The following NLGN4X variants were observed in gnomAD, a reference collection of about 807,000 sequenced individuals.
NLGN4X encodes neuroligin-4, X-linked.
NLGN4X carries 3 observed loss-of-function variants against 40.3 expected under a neutral mutation model. The observed-to-expected ratio is 0.07, with a 90% CI of 0.03 to 0.19. The LOEUF is 0.19. Ranked by LOEUF, NLGN4X falls within the 10% of genes least tolerant of loss-of-function variation. The pLI, the probability that NLGN4X is intolerant of heterozygous loss-of-function variation, is 1.00. For synonymous variants in NLGN4X, 270 were observed against 306.8 expected (o/e 0.88, Z 1.25); for missense variants, 382 against 708.3 (o/e 0.54, Z 5.23).
At chrX:5,907,165 C>T (rs891587246) in intron 4 of NLGN4X, among the ~76,000 whole-genome samples, 2 of 111,522 alleles carry the variant, frequency 1.8e-5, no homozygotes, top group Non-Finnish European at 3.8e-5. Flanking sequence ...CAACACAGAA[C>T]AAATTACAAA....
intron 1 of NLGN4X, among the ~76,000 whole-genome samples, chrX:6,193,368 C>T (rs1481646431): frequency 3.9e-5 from 4 of 101,370 alleles, no homozygotes; most frequent in Non-Finnish European, 7.9e-5. Context: ...GAGATCGCGC[C>T]ACAGCACTCC....
intron 2 of NLGN4X, among the ~76,000 whole-genome samples, chrX:6,068,597 G>A (rs1474148599): frequency 9.0e-6 from 1 of 111,708 alleles, no homozygotes; most frequent in African/African-American, 3.3e-5. Context: ...AAAATTAAAC[G>A]ATGAATCAAC....
At chrX:6,005,222 T>C (rs2036073694) in intron 3 of NLGN4X, among the ~76,000 whole-genome samples, 1 of 112,296 alleles carries the variant, frequency 8.9e-6, no homozygotes, top group African/African-American at 3.2e-5. Context: ...GGGATTCTCT[T>C]ACTGGCATGA....
At chrX:5,941,077 A>C (rs1417369240) in intron 3 of NLGN4X, among the ~76,000 whole-genome samples, 1 of 106,534 alleles carries the variant, frequency 9.4e-6, no homozygotes, top group Admixed American at 1.0e-4. Context: ...GCAGTGAGCT[A>C]TGAGGGCACC....
At chrX:5,988,274 G>T (rs2035584402) in intron 3 of NLGN4X, among the ~76,000 whole-genome samples, 3 of 111,766 alleles carry the variant, frequency 2.7e-5, no homozygotes, top group South Asian at 3.8e-4. Context: ...CTATAGCATT[G>T]TCTGAGGCTT....
chrX:6,196,701 C>A (rs944013975), intron 1 of NLGN4X, among the ~76,000 whole-genome samples: 7 of 110,484 alleles, frequency 6.3e-5, no homozygotes, highest in African/African-American at 2.3e-4. Flanking sequence ...AGGAATGTTT[C>A]CATGCATCCT....
At chrX:6,009,968 C>T (rs1323196233) in intron 3 of NLGN4X, among the ~76,000 whole-genome samples, 1 of 111,955 alleles carries the variant, frequency 8.9e-6, no homozygotes, top group Non-Finnish European at 1.9e-5. Flanking sequence ...GGTTCTATGG[C>T]GATTTGAATT....
intron 2 of NLGN4X, among the ~76,000 whole-genome samples, chrX:6,061,108 T>C (rs1353482938): frequency 8.1e-5 from 9 of 111,733 alleles, no homozygotes; most frequent in Non-Finnish European, 1.1e-4. Flanking sequence ...ATAATGTGGT[T>C]CTGCCCATTT....
At chrX:6,062,318 T>C (rs1162760767) in intron 2 of NLGN4X, among the ~76,000 whole-genome samples, 2 of 111,638 alleles carry the variant, frequency 1.8e-5, no homozygotes, top group Admixed American at 1.9e-4. Flanking sequence ...ACCTCCCAGC[T>C]GTAGGTTCTT....
At chrX:6,195,398 G>A (rs1223323451) in intron 1 of NLGN4X, among the ~76,000 whole-genome samples, 1 of 112,020 alleles carries the variant, frequency 8.9e-6, no homozygotes, top group African/African-American at 3.2e-5. Flanking sequence ...GGTGGGGATT[G>A]AGACCATCAT....
At chrX:5,897,527 C>T (rs1322421132) in intron 5 of NLGN4X, among the ~76,000 whole-genome samples, 3 of 112,085 alleles carry the variant, frequency 2.7e-5, no homozygotes, top group African/African-American at 6.5e-5. Context: ...TGGGCTCACA[C>T]GGTTCTCTTC....
chrX:6,151,285 G>A lies in NLGN4X; in HGVS notation c.182C>T (p.Pro61Leu), dbSNP rs893381534. The A allele has an allele frequency of 7.4e-6, 9 of 1,211,722 alleles. No homozygotes were observed. The highest frequency in any genetic ancestry group is 1.0e-5 in the Non-Finnish European group (9 of 895,502). The change falls in exon 2 of 6, where the codon CCG becomes CTG. Residue 61 changes from proline to leucine, a missense_variant. Pro to Leu is a moderately conservative substitution (Grantham distance 98, BLOSUM62 -3). Transcript: ENST00000381095. ...NYGKIRGLRT[P>L]LPNEILGPVE... ...TGGACCCAAGATCTCATTGGGTAAC[G>A]GTGTTCTTAGGCCCCGGATTTTGCC...
Position 5,933,221 on chromosome X carries a change from C to G in NLGN4X, c.626-23982G>C, listed in dbSNP as rs190689459. On this transcript the variant is annotated intron_variant, in intron 3 of 5. Transcript: ENST00000381095. ...AGAAAATACTTATCAAAGAATATAA[C>G]TAATTTGGTAAGAATTCTGAAAAAT... Among the ~76,000 whole-genome samples, 576 of 111,586 alleles carry G rather than the reference C, an allele frequency of 5.2e-3. 16 individuals are homozygous for G. Among genetic ancestry groups the G allele is most frequent in the Admixed American group, 0.05 (526 of 10,438 alleles).
At chrX:6,005,806 A>G (rs777742741) in intron 3 of NLGN4X, among the ~76,000 whole-genome samples, 82 of 111,226 alleles carry the variant, frequency 7.4e-4, no homozygotes, top group African/African-American at 2.4e-3. Flanking sequence ...GACTTTTGTG[A>G]CAAACCACTG....
chrX:6,046,356 A>C (rs1334910924), intron 2 of NLGN4X, among the ~76,000 whole-genome samples: 3 of 111,819 alleles, frequency 2.7e-5, no homozygotes, highest in Non-Finnish European at 5.7e-5. Flanking sequence ...ACTACAGATA[A>C]TTATAGCTGG....
Position 5,891,091 on chromosome X carries a change from G to A in NLGN4X, c.*1726C>T. 1 of 278,864 alleles carries A rather than the reference G, an allele frequency of 3.6e-6. No homozygotes were observed. Among genetic ancestry groups the A allele is most frequent in the Non-Finnish European group, 6.7e-6 (1 of 150,132 alleles). The allele number at this position is 278,864 out of a possible 1,213,427, so 23.0% of individuals were successfully genotyped here. ...ATAATTTTTCAAAAAAGTATCCATTGCTACTATGTTTCCTTCCACCTTATA... is the reference window on the plus strand; with the variant it reads ...ATAATTTTTCAAAAAAGTATCCATTACTACTATGTTTCCTTCCACCTTATA... On this transcript the variant is annotated 3_prime_UTR_variant, in exon 6 of 6. Coordinates refer to ENST00000381095, the MANE Select transcript of NLGN4X (RefSeq NM_181332.3).
At chrX:6,102,677 C>G (rs12012653) in intron 2 of NLGN4X, among the ~76,000 whole-genome samples, 9 of 64,667 alleles carry the variant, frequency 1.4e-4, no homozygotes, top group African/African-American at 6.3e-4. Context: ...CATACATAGA[C>G]AGATAGATAC....
At chrX:6,031,996 T>G (rs1205390631) in intron 2 of NLGN4X, among the ~76,000 whole-genome samples, 1 of 110,199 alleles carries the variant, frequency 9.1e-6, no homozygotes, top group East Asian at 2.9e-4. Context: ...AGCCGTGGTG[T>G]GAAAAGAAAG....
chrX:5,900,884 C>T (rs764974001), intron 5 of NLGN4X, among the ~76,000 whole-genome samples: 1 of 111,061 alleles, frequency 9.0e-6, no homozygotes, highest in African/African-American at 3.3e-5. Context: ...CCAGCATAGC[C>T]ATACAGTTTT....
Sources: allele counts gnomAD v4.1 joint callset (sites outside exome capture counted in the v4.1 genomes callset), GRCh38; gene constraint gnomAD v4.1.1; transcripts MANE v1.5; gene names NCBI Gene and HGNC (gene_info 2026-07-23, HGNC 2026-07-21).